Variants in GRID2 observed in about 807,000 individuals in gnomAD.
GRID2 encodes glutamate receptor ionotropic, delta-2.
GRID2 carries 33 observed loss-of-function variants against 114.8 expected under a neutral mutation model. The observed-to-expected ratio is 0.29, with a 90% CI of 0.22 to 0.38. The LOEUF is 0.38. Ranked by LOEUF, GRID2 falls within the 10% of genes least tolerant of loss-of-function variation. GRID2 has a pLI of 1.00. For missense variants in GRID2, 1,184 were observed against 1,257.7 expected (o/e 0.94, Z 0.89); for synonymous variants, 505 against 449.9 (o/e 1.12, Z -1.55).
At chr4:93,037,052 T>G (rs1352579516) in intron 2 of GRID2, among the ~76,000 whole-genome samples, 1 of 152,178 alleles carries the variant, frequency 6.6e-6, no homozygotes, top group Non-Finnish European at 1.5e-5. Context: ...TTCTTAATTT[T>G]TCAGCACAGT....
intron 2 of GRID2, among the ~76,000 whole-genome samples, chr4:92,683,805 TAATAA>T (rs780320978): frequency 5.7e-4 from 86 of 151,984 alleles, no homozygotes; most frequent in Non-Finnish European, 1.0e-3. Context: ...TTCAGTTACA[TAATAA>T]AATAATCTTT....
chr4:93,581,124 T>C (rs1470278973), intron 13 of GRID2, among the ~76,000 whole-genome samples: 1 of 124,082 alleles, frequency 8.1e-6, no homozygotes, highest in Non-Finnish European at 1.6e-5. Context: ...GCCCCCCGTG[T>C]GTAGTGTTCC....
At chr4:92,573,991 G>A (rs375726648) in intron 1 of GRID2, among the ~76,000 whole-genome samples, 1 of 152,180 alleles carries the variant, frequency 6.6e-6, no homozygotes, top group African/African-American at 2.4e-5. Context: ...GGGTGCTCCT[G>A]TATTGGGTGC....
At chr4:93,398,961 G>A (rs1286953179) in intron 9 of GRID2, among the ~76,000 whole-genome samples, 2 of 151,718 alleles carry the variant, frequency 1.3e-5, no homozygotes, top group South Asian at 4.2e-4. Flanking sequence ...TTCAGGTCTA[G>A]CTCTTAGTTA....
At chr4:92,344,801 C>A (rs1727683116) in intron 1 of GRID2, among the ~76,000 whole-genome samples, 1 of 152,172 alleles carries the variant, frequency 6.6e-6, no homozygotes, top group Non-Finnish European at 1.5e-5. Flanking sequence ...AGTCACATAG[C>A]CTTCCTTCTG....
chr4:93,273,972 A>T (rs954059619), intron 8 of GRID2, among the ~76,000 whole-genome samples: 1 of 152,238 alleles, frequency 6.6e-6, no homozygotes, highest in African/African-American at 2.4e-5. Flanking sequence ...TAGCTATTTC[A>T]CTTTTTATAA....
chr4:93,435,290 G>A (rs539249625), intron 10 of GRID2, among the ~76,000 whole-genome samples: 1 of 152,110 alleles, frequency 6.6e-6, no homozygotes, highest in South Asian at 2.1e-4. Flanking sequence ...CCATTCAATG[G>A]GATCTCATTG....
chr4:93,238,390 C>T lies in GRID2; in HGVS notation c.1145C>T (p.Thr382Ile). The T allele has an allele frequency of 6.2e-7, 1 of 1,605,534 alleles. No homozygotes were observed. Reference sequence around the variant, plus strand: ...CTTTAGGGTGGAGTTAGTGGGTTGACTGGAGAGCTAGAATTTGGAGAAAAT... The same window carrying T: ...CTTTAGGGTGGAGTTAGTGGGTTGATTGGAGAGCTAGAATTTGGAGAAAAT... ...TIKKGGVSGL[T>I]GELEFGENGG... Residue 382 changes from threonine to isoleucine, a missense_variant, in exon 8 of 16, where the codon ACT becomes ATT. This residue lies in a region of GRID2 where 717 missense variants were observed against 796.9 expected (regional missense o/e 0.90). Transcript: ENST00000282020.
intron 2 of GRID2, among the ~76,000 whole-genome samples, chr4:93,080,766 C>A (rs1056266797): frequency 6.6e-6 from 1 of 152,150 alleles, no homozygotes; most frequent in African/African-American, 2.4e-5. Context: ...TTAATCCCTT[C>A]TGTGCTGCTA....
chr4:92,633,443 G>A (rs572730311), intron 2 of GRID2, among the ~76,000 whole-genome samples: 17 of 152,122 alleles, frequency 1.1e-4, no homozygotes, highest in African/African-American at 3.6e-4. Flanking sequence ...GGTTGGAAGG[G>A]AGAAGAAGAT....
chr4:93,282,113 T>G (rs1326075242), intron 8 of GRID2, among the ~76,000 whole-genome samples: 19 of 152,090 alleles, frequency 1.2e-4, no homozygotes, highest in Non-Finnish European at 2.8e-4. Flanking sequence ...CATTATTCTT[T>G]AATATGAGCT....
chr4:92,393,115 G>A (rs773029818), intron 1 of GRID2, among the ~76,000 whole-genome samples: 19 of 152,134 alleles, frequency 1.2e-4, no homozygotes, highest in Non-Finnish European at 2.1e-4. Flanking sequence ...AAGAAAGAGG[G>A]ATAGAGTGGT....
chr4:92,563,132 T>G lies in GRID2; in HGVS notation c.89-26999T>G, dbSNP rs1410099509. Reference sequence around the variant, plus strand: ...CAGAGTGATTTGGGGAAGGATTAAATTGTCATCCCTCCACCATGCTCCCCG... The same window carrying G: ...CAGAGTGATTTGGGGAAGGATTAAAGTGTCATCCCTCCACCATGCTCCCCG... On this transcript the variant is annotated intron_variant, in intron 1 of 15. Transcript: ENST00000282020. 2.6e-5 allele frequency among the ~76,000 whole-genome samples: 4 copies of G among 152,274 alleles called. No individual in the cohort carries two copies. In the East Asian group the frequency reaches 7.7e-4, roughly 29 times the overall value.
chr4:93,274,791 G>A (rs1280372114), intron 8 of GRID2, among the ~76,000 whole-genome samples: 2 of 151,986 alleles, frequency 1.3e-5, no homozygotes, highest in African/African-American at 4.8e-5. Flanking sequence ...TTCAGAAAAA[G>A]ACATCATGTA....
chr4:92,567,646 CAAAGGCAGAT>C (rs1727400751), intron 1 of GRID2, among the ~76,000 whole-genome samples: 1 of 152,008 alleles, frequency 6.6e-6, no homozygotes, highest in African/African-American at 2.4e-5. Context: ...AAGGTGAAGT[CAAAGGCAGAT>C]AAACCTCAGA....
intron 13 of GRID2, among the ~76,000 whole-genome samples, chr4:93,537,957 G>T (rs940780889): frequency 1.3e-5 from 2 of 151,652 alleles, no homozygotes; most frequent in East Asian, 3.9e-4. Context: ...TTCTAGGTAA[G>T]GCTACATAAG....
chr4:93,142,912 C>A (rs1032004320), intron 4 of GRID2, among the ~76,000 whole-genome samples: 12 of 152,168 alleles, frequency 7.9e-5, no homozygotes, highest in Non-Finnish European at 1.6e-4. Flanking sequence ...ATAGCAGTGG[C>A]AGCATCCATA....
At chr4:93,029,965 T>G (rs537532464) in intron 2 of GRID2, among the ~76,000 whole-genome samples, 13 of 152,294 alleles carry the variant, frequency 8.5e-5, no homozygotes, top group Non-Finnish European at 1.9e-4. Flanking sequence ...GCTCTTAGAG[T>G]ACTGCATGTC....
In GRID2 at chr4:92,417,843, C is replaced by T. The variant is rs561741988; in HGVS notation, c.88+113099C>T. Among the ~76,000 whole-genome samples, 42 of 152,192 alleles carry T rather than the reference C, an allele frequency of 2.8e-4. No homozygotes were observed. The South Asian group carries it at 8.7e-3, about 32-fold the overall frequency. On this transcript the variant is annotated intron_variant, in intron 1 of 15. Coordinates refer to ENST00000282020, the MANE Select transcript of GRID2 (RefSeq NM_001510.4). ...GAGGGCAAGCCTTTCCCATGCTGTT[C>T]TCGTGGTAGTGAATAAGTCTCATGC...
Sources: gnomAD v4.1 joint callset for allele counts (sites outside exome capture counted in the v4.1 genomes callset) on GRCh38, gnomAD v4.1.1 for gene constraint, gnomAD v4.1.1 regional missense constraint, MANE v1.5 for transcripts, NCBI Gene and HGNC (gene_info 2026-07-23, HGNC 2026-07-21) for gene names.